The following GALNT11 variants were observed in gnomAD, a reference collection of about 807,000 sequenced individuals.
The protein encoded by GALNT11 is polypeptide N-acetylgalactosaminyltransferase 11.
A neutral mutation model predicts 72.7 loss-of-function variants in GALNT11; 47 were observed. The observed-to-expected ratio is 0.65, with a 90% CI of 0.51 to 0.82. The LOEUF (loss-of-function observed/expected upper bound fraction) is 0.82, where lower values mean the gene tolerates loss of function less well. Ranked by LOEUF, GALNT11 falls within the 40% of genes least tolerant of loss-of-function variation. The pLI is 0.00. For synonymous variants in GALNT11, 270 were observed against 286.6 expected, an observed-to-expected ratio of 0.94 and a Z score of 0.58; for missense variants, 677 against 778.4, an observed-to-expected ratio of 0.87 and a Z score of 1.55.
chr7:152,120,666 A>G (rs969348936), intron 10 of GALNT11, 165 bp from the exon 11 acceptor site: 9 of 617,824 alleles, frequency 1.5e-5, no homozygotes, highest in East Asian at 1.1e-4. Context: ...TGCCTTAGCT[A>G]TCTGAAGTGG....
intron 1 of GALNT11, among the ~76,000 whole-genome samples, chr7:152,060,097 T>A (rs1563051704): frequency 6.6e-6 from 1 of 152,040 alleles, no homozygotes; most frequent in Non-Finnish European, 1.5e-5. Context: ...TGCCTCACCT[T>A]ACACTTTTAT....
chr7:152,051,091 A>T (rs548438735), intron 1 of GALNT11, among the ~76,000 whole-genome samples: 52 of 150,492 alleles, frequency 3.5e-4, no homozygotes, highest in African/African-American at 1.3e-3. Flanking sequence ...TTTAGTTCTT[A>T]TGAAGGTGCT....
intron 5 of GALNT11, among the ~76,000 whole-genome samples, chr7:152,106,365 G>A (rs935908090): frequency 5.9e-5 from 9 of 152,160 alleles, no homozygotes; most frequent in African/African-American, 1.2e-4. Flanking sequence ...CCACTGGCTC[G>A]TGTGCTGGGC....
chr7:152,097,191 A>T lies in GALNT11; in HGVS notation c.295+2669A>T, dbSNP rs1345140743. Among the ~76,000 whole-genome samples, 3 of 152,304 alleles carry T rather than the reference A, an allele frequency of 2.0e-5. No individual in the cohort carries two copies. The East Asian group carries it at 5.8e-4, about 29-fold the overall frequency. ...GGCACAATTTTAAAATGGGCAAAGG[A>T]TTTGATAGACATTTCTCCAAAGAAG... On this transcript the variant is annotated intron_variant, in intron 2 of 11. Transcript: ENST00000430044.
At chr7:152,097,547 A>G (rs954416768) in intron 2 of GALNT11, among the ~76,000 whole-genome samples, 1 of 152,240 alleles carries the variant, frequency 6.6e-6, no homozygotes, top group Admixed American at 6.5e-5. Flanking sequence ...CTTGTACTCA[A>G]TGTTCATTAG....
At chr7:152,052,217 ATTGTGTGT>A (rs1320659224) in intron 1 of GALNT11, among the ~76,000 whole-genome samples, 2 of 152,088 alleles carry the variant, frequency 1.3e-5, no homozygotes, top group Non-Finnish European at 2.9e-5. Context: ...ATAATATTCC[ATTGTGTGT>A]ATATATCACA....
chr7:152,087,742 A>G (rs898726496), intron 1 of GALNT11, among the ~76,000 whole-genome samples: 2 of 152,248 alleles, frequency 1.3e-5, no homozygotes, highest in Admixed American at 6.5e-5. Context: ...TGTGAAGACT[A>G]TCTTGGTTCA....
In GALNT11 at chr7:152,110,547, G is replaced by A. The variant is rs1215282375; in HGVS notation, c.982G>A (p.Gly328Ser). Residue 328 changes from glycine (G) to serine (S), a missense_variant, in exon 7 of 12, where the codon GGT (glycine) becomes AGT (serine). Coordinates refer to ENST00000430044, the MANE Select transcript of GALNT11 (RefSeq NM_022087.4). Reference sequence around the variant, plus strand: ...TTCTAGGTCACCAACAATGGCTGGAGGTTTGTTTGCCATGAACAGACAGTA... The same window carrying A: ...TTCTAGGTCACCAACAATGGCTGGAAGTTTGTTTGCCATGAACAGACAGTA... ...APIKSPTMAG[G>S]LFAMNRQYFH... The A allele has an allele frequency of 6.2e-7, 1 of 1,613,478 alleles. No homozygotes were observed. Among genetic ancestry groups the A allele is most frequent in the Non-Finnish European group, 8.5e-7 (1 of 1,179,868 alleles).
intron 5 of GALNT11, 106 bp downstream of exon 5, chr7:152,105,476 G>A (rs1182635112): frequency 1.6e-5 from 24 of 1,463,096 alleles, no homozygotes; most frequent in East Asian, 2.3e-5. Context: ...TGTTTCAAAC[G>A]GACATTGCCA....
chr7:152,079,414 TG>T (rs1364993385), intron 1 of GALNT11: 2 of 152,288 alleles, frequency 1.3e-5, no homozygotes, highest in African/African-American at 4.8e-5. Context: ...TCTAGGTATT[TG>T]CCATGTTGTT....
At chr7:152,036,607 G>T (rs2082591955) in intron 1 of GALNT11, among the ~76,000 whole-genome samples, 1 of 152,192 alleles carries the variant, frequency 6.6e-6, no homozygotes, top group South Asian at 2.1e-4. Context: ...TATATACTAT[G>T]AGTGGGATTG....
rs571800516 is a variant in GALNT11, at chr7:152,094,768, G to A, written c.295+246G>A. On this transcript the variant is annotated intron_variant, in intron 2 of 11. Coordinates refer to ENST00000430044, the MANE Select transcript of GALNT11 (RefSeq NM_022087.4). The surrounding 1 kb of genome is among the most constrained non-coding windows in gnomAD (Gnocchi z 4.3). Reference sequence around the variant, plus strand: ...AGGTCCAGGGAAGAAAAATTAAAAGGCTAGAAAGAAAATGGAACCTATGGG... The same window carrying A: ...AGGTCCAGGGAAGAAAAATTAAAAGACTAGAAAGAAAATGGAACCTATGGG... Among the ~76,000 whole-genome samples, 68 of 152,194 alleles carry A rather than the reference G, an allele frequency of 4.5e-4. No homozygotes were observed. The highest frequency in any genetic ancestry group is 1.6e-3 in the African/African-American group (66 of 41,536).
At chr7:152,038,065 C>G (rs560861118) in intron 1 of GALNT11, among the ~76,000 whole-genome samples, 1 of 152,146 alleles carries the variant, frequency 6.6e-6, no homozygotes, top group Non-Finnish European at 1.5e-5. Flanking sequence ...CCACTGTGCC[C>G]AGCCCGTCTT....
intron 1 of GALNT11, among the ~76,000 whole-genome samples, chr7:152,037,080 C>G (rs1005470392): frequency 1.3e-5 from 2 of 152,292 alleles, no homozygotes; most frequent in East Asian, 1.9e-4. Context: ...AGCTTTTTAA[C>G]TTGATGTGAT....
intron 1 of GALNT11, among the ~76,000 whole-genome samples, chr7:152,053,987 A>G (rs2083526113): frequency 6.7e-6 from 1 of 149,472 alleles, no homozygotes; most frequent in South Asian, 2.1e-4. Flanking sequence ...TGCTAATTAT[A>G]TTGAGACTGA....
intron 1 of GALNT11, among the ~76,000 whole-genome samples, chr7:152,068,788 C>T (rs775525426): frequency 1.1e-4 from 16 of 151,866 alleles, no homozygotes; most frequent in South Asian, 4.2e-4. Context: ...TTTCCAATTT[C>T]ATTGATTTCT....
chr7:152,067,784 G>A (rs1049737175), intron 1 of GALNT11, among the ~76,000 whole-genome samples: 2 of 152,092 alleles, frequency 1.3e-5, no homozygotes, highest in Non-Finnish European at 2.9e-5. Context: ...CCAGAGACTG[G>A]GTAATTCATA....
At chr7:152,098,111 G>A (rs1216575460) in intron 2 of GALNT11, among the ~76,000 whole-genome samples, 2 of 152,108 alleles carry the variant, frequency 1.3e-5, no homozygotes, top group Non-Finnish European at 2.9e-5. Context: ...TCTGAGTAGA[G>A]AATTACTGAA....
chr7:152,065,767 A>G (rs1198124494), intron 1 of GALNT11, among the ~76,000 whole-genome samples: 1 of 152,200 alleles, frequency 6.6e-6, no homozygotes, highest in Non-Finnish European at 1.5e-5. Context: ...ATATTGATGA[A>G]CAGTAAATGT....
Sources: gnomAD v4.1 joint callset for allele counts (sites outside exome capture counted in the v4.1 genomes callset) on GRCh38, gnomAD v4.1.1 for gene constraint, Gnocchi (gnomAD v3.1) non-coding constraint, MANE v1.5 for transcripts, NCBI Gene and HGNC (gene_info 2026-07-23, HGNC 2026-07-21) for gene names.